FOXO1: variants seen among roughly 807,000 people sequenced by gnomAD.
FOXO1 encodes the protein forkhead box protein O1.
FOXO1 carries 6 observed loss-of-function variants against 44.1 expected under a neutral mutation model. The ratio of observed to expected loss-of-function variants is 0.14; its 90% CI spans 0.07 to 0.27. The LOEUF is 0.27. Ranked by LOEUF, FOXO1 falls within the 10% of genes least tolerant of loss-of-function variation. The pLI is 1.00. For synonymous variants in FOXO1, 380 were observed against 362.7 expected (o/e 1.05, Z -0.54); for missense variants, 737 against 888.8 (o/e 0.83, Z 2.17).
chr13:40,558,916 T>G lies in FOXO1; in HGVS notation c.*133A>C, dbSNP rs576057357. On this transcript the variant is annotated 3_prime_UTR_variant, in exon 3 of 3. Coordinates refer to ENST00000379561, the MANE Select transcript of FOXO1 (RefSeq NM_002015.4). Reference sequence around the variant, plus strand: ...GTCTGACGAAAGGAAAAAAGGAGGGTTTTTTTTTTTGTTTTTTTTTTTAAC... The same window carrying G: ...GTCTGACGAAAGGAAAAAAGGAGGGGTTTTTTTTTTGTTTTTTTTTTTAAC... 70 of 310,300 alleles carry G rather than the reference T, an allele frequency of 2.3e-4. No homozygotes were observed. Among genetic ancestry groups the G allele is most frequent in the South Asian group, 6.7e-4 (4 of 5,932 alleles). The allele number at this position is 310,300 out of a possible 1,614,324, so 19.2% of individuals were successfully genotyped here.
At chr13:40,562,471 G>C (rs1044837980) in intron 1 of FOXO1, among the ~76,000 whole-genome samples, 2 of 152,166 alleles carry the variant, frequency 1.3e-5, no homozygotes, top group African/African-American at 4.8e-5. Flanking sequence ...TTCCTCACCT[G>C]TAAAGCAGGG....
Position 40,556,278 on chromosome 13 carries a change from A to C in FOXO1, c.*2771T>G, listed in dbSNP as rs1187672031. The C allele has an allele frequency of 2.6e-5, 4 of 152,600 alleles. No homozygotes were observed. Among genetic ancestry groups the C allele is most frequent in the African/African-American group, 9.7e-5 (4 of 41,442 alleles). 9.5% of individuals were successfully genotyped at this position (152,600 alleles called of 1,614,324 possible). A position where few individuals can be genotyped will look rare whatever the true frequency, so the allele number is the denominator to read the frequency against. On this transcript the variant is annotated 3_prime_UTR_variant, in exon 3 of 3. Transcript: ENST00000379561. ...GGGATGTTCCATTGATTTACTGCTC[A>C]CTGGGATACATGTGCTCATTTAGAC...
chr13:40,572,880 A>C (rs192123369), intron 1 of FOXO1, among the ~76,000 whole-genome samples: 2 of 152,330 alleles, frequency 1.3e-5, no homozygotes, highest in Admixed American at 1.3e-4. Context: ...CCTTCTAAGT[A>C]ATACAAAAGA....
At chr13:40,657,178 G>A (rs1184840066) in intron 1 of FOXO1, among the ~76,000 whole-genome samples, 1 of 152,110 alleles carries the variant, frequency 6.6e-6, no homozygotes, top group Non-Finnish European at 1.5e-5. Flanking sequence ...AGAAAGATGT[G>A]CATTTACACA....
chr13:40,663,442 A>G (rs1434021183), intron 1 of FOXO1, among the ~76,000 whole-genome samples: 1 of 152,234 alleles, frequency 6.6e-6, no homozygotes, highest in Non-Finnish European at 1.5e-5. Flanking sequence ...CACTCCAGCA[A>G]GTTGAAGTAG....
At chr13:40,640,918 C>T (rs1020701038) in intron 1 of FOXO1, among the ~76,000 whole-genome samples, 5 of 151,864 alleles carry the variant, frequency 3.3e-5, no homozygotes, top group African/African-American at 9.7e-5. Flanking sequence ...CAAGTAGCTG[C>T]GATTACAGGC....
chr13:40,609,210 C>T (rs982807188), intron 1 of FOXO1, among the ~76,000 whole-genome samples: 1 of 152,082 alleles, frequency 6.6e-6, no homozygotes, highest in African/African-American at 2.4e-5. Flanking sequence ...GTTTGGATGA[C>T]AAAACATATT....
At chr13:40,574,408 T>C (rs1161597025) in intron 1 of FOXO1, among the ~76,000 whole-genome samples, 1 of 152,172 alleles carries the variant, frequency 6.6e-6, no homozygotes, top group South Asian at 2.1e-4. Flanking sequence ...GAATGGTGCA[T>C]TGTGAAGATT....
chr13:40,618,130 G>A (rs1000110174), intron 1 of FOXO1, among the ~76,000 whole-genome samples: 1 of 152,170 alleles, frequency 6.6e-6, no homozygotes, highest in Non-Finnish European at 1.5e-5. Context: ...CCAGGCTGGA[G>A]TGCAGTGGCG....
chr13:40,576,368 A>C (rs2701880), intron 1 of FOXO1, among the ~76,000 whole-genome samples: 15,209 of 152,194 alleles, frequency 0.1, 983 homozygotes, highest in East Asian at 0.25. Flanking sequence ...ACCTAGAGCA[A>C]AGCGCCAAAC....
At chr13:40,581,312 T>C in intron 1 of FOXO1, among the ~76,000 whole-genome samples, 1 of 152,170 alleles carries the variant, frequency 6.6e-6, no homozygotes, top group East Asian at 1.9e-4. Context: ...AAGATACTCA[T>C]GAGAACTTGC....
chr13:40,662,467 C>G (rs73469065), intron 1 of FOXO1, among the ~76,000 whole-genome samples: 1 of 152,060 alleles, frequency 6.6e-6, no homozygotes, highest in African/African-American at 2.4e-5. Flanking sequence ...TAGAAGATCC[C>G]GGGTTTTCCA....
intron 1 of FOXO1, among the ~76,000 whole-genome samples, chr13:40,651,941 A>C (rs1877701131): frequency 6.6e-6 from 1 of 152,184 alleles, no homozygotes. Flanking sequence ...TCAGTCATAC[A>C]GATTGAAGAA....
At chr13:40,609,941 CA>C (rs1876169999) in intron 1 of FOXO1, among the ~76,000 whole-genome samples, 1 of 151,748 alleles carries the variant, frequency 6.6e-6, no homozygotes, top group Non-Finnish European at 1.5e-5. Flanking sequence ...GTCAAAAACT[CA>C]AAATATTGTT....
At chr13:40,559,304 A>C (rs1873883088) in intron 2 of FOXO1, among the ~76,000 whole-genome samples, 1 of 152,218 alleles carries the variant, frequency 6.6e-6, no homozygotes, top group Non-Finnish European at 1.5e-5. Flanking sequence ...GAAATCTTTA[A>C]AGCAGTTAAA....
At chr13:40,634,502 T>A (rs916989746) in intron 1 of FOXO1, among the ~76,000 whole-genome samples, 3 of 152,052 alleles carry the variant, frequency 2.0e-5, no homozygotes, top group Admixed American at 1.3e-4. Flanking sequence ...ACAGACCCCA[T>A]TTCTACAAAA....
chr13:40,599,947 T>G (rs745884226), intron 1 of FOXO1, among the ~76,000 whole-genome samples: 1 of 152,312 alleles, frequency 6.6e-6, no homozygotes, highest in East Asian at 1.9e-4. Flanking sequence ...AAAAGACCAG[T>G]GTAGTGACCC....
intron 1 of FOXO1, among the ~76,000 whole-genome samples, chr13:40,663,391 T>C (rs938471035): frequency 6.6e-6 from 1 of 152,212 alleles, no homozygotes; most frequent in Admixed American, 6.5e-5. Flanking sequence ...GACGCAAAAC[T>C]AAAAATATCC....
intron 1 of FOXO1, among the ~76,000 whole-genome samples, chr13:40,616,052 G>A (rs576885974): frequency 3.5e-4 from 54 of 152,306 alleles, no homozygotes; most frequent in Admixed American, 7.8e-4. Context: ...AACCAGACAC[G>A]GAAGTGGAAG....
Sources: gnomAD v4.1 joint callset for allele counts (sites outside exome capture counted in the v4.1 genomes callset) on GRCh38, gnomAD v4.1.1 for gene constraint, MANE v1.5 for transcripts, NCBI Gene and HGNC (gene_info 2026-07-23, HGNC 2026-07-21) for gene names.